PSMD3: variants seen among roughly 807,000 people sequenced by gnomAD.
PSMD3 encodes the protein 26S proteasome non-ATPase regulatory subunit 3.
A neutral mutation model predicts 62.8 loss-of-function variants in PSMD3; 5 were observed. The ratio of observed to expected loss-of-function variants is 0.08; its 90% CI spans 0.04 to 0.17. The LOEUF (loss-of-function observed/expected upper bound fraction) is 0.17, where lower values mean the gene tolerates loss of function less well. Ranked by LOEUF, PSMD3 falls within the 10% of genes least tolerant of loss-of-function variation. The probability of loss-of-function intolerance (pLI) is 1.00; values close to 1 mark genes in which losing one functional copy is unlikely to be tolerated. For missense variants in PSMD3, 524 were observed against 713.6 expected, an observed-to-expected ratio of 0.73 and a Z score of 3.03; for synonymous variants, 265 against 283.9, an observed-to-expected ratio of 0.93 and a Z score of 0.67.
Position 39,995,306 on chromosome 17 carries a change from G to C in PSMD3, c.1216+11G>C. On this transcript the variant is annotated intron_variant, in intron 8 of 11. Coordinates refer to ENST00000264639, the MANE Select transcript of PSMD3 (RefSeq NM_002809.4). This position sits in a 1 kb window ranked among gnomAD's most constrained non-coding sequence, Gnocchi z 4.1. Reference sequence around the variant, plus strand: ...ACGTGATTAAGACAGGTGTGGATCAGGATCTGAGGGGCTGTTGGAGGAGCA... The same window carrying C: ...ACGTGATTAAGACAGGTGTGGATCACGATCTGAGGGGCTGTTGGAGGAGCA... 6.2e-7 allele frequency: 1 copy of C among 1,614,058 alleles called. No individual in the cohort carries two copies. Among genetic ancestry groups the C allele is most frequent in the Non-Finnish European group, 8.5e-7 (1 of 1,180,002 alleles).
chr17:39,994,938 CT>C lies in PSMD3; in HGVS notation c.982-15del, dbSNP rs771953705. ...GGGGCTCCCTGCCCACTGTGTTCCC[CT>C]GTCACTCTGTCCAGGTGCACAAGCT... On this transcript the variant is annotated splice_polypyrimidine_tract_variant and intron_variant, in intron 6 of 11. Transcript: ENST00000264639. 4.3e-6 allele frequency: 7 copies of C among 1,611,996 alleles called. No homozygotes were observed. Among genetic ancestry groups the C allele is most frequent in the Non-Finnish European group, 5.1e-6 (6 of 1,178,150 alleles).
rs1980769022 is a variant in PSMD3, at chr17:39,995,835, TGG to T, written c.1320+310_1320+311del. The T allele has an allele frequency of 2.0e-6, 1 of 489,044 alleles. No homozygotes were observed. Among genetic ancestry groups the T allele is most frequent in the Admixed American group, 3.3e-5 (1 of 30,214 alleles). The allele number at this position is 489,044 out of a possible 1,614,324, so 30.3% of individuals were successfully genotyped here. ...TCTCTGACTTAGAAGATGGGCGTGC[TGG>T]GCCAGGCGCAGTGGCTCATGCCTGT... On this transcript the variant is annotated intron_variant, in intron 9 of 11. Coordinates refer to ENST00000264639, the MANE Select transcript of PSMD3 (RefSeq NM_002809.4). This position sits in a 1 kb window ranked among gnomAD's most constrained non-coding sequence, Gnocchi z 4.1.
intron 2 of PSMD3, among the ~76,000 whole-genome samples, chr17:39,985,158 G>A (rs1450177512): frequency 1.3e-5 from 2 of 152,146 alleles, no homozygotes; most frequent in South Asian, 2.1e-4. Context: ...AATGCAGGAG[G>A]TGGAGATTGC....
At chr17:39,991,338 T>C (rs1980650594) in intron 6 of PSMD3, among the ~76,000 whole-genome samples, 1 of 152,068 alleles carries the variant, frequency 6.6e-6, no homozygotes, top group East Asian at 1.9e-4. Flanking sequence ...GTATTTTTAG[T>C]AGAGATGGGG....
chr17:39,981,945 G>A (rs767496449), intron 1 of PSMD3, among the ~76,000 whole-genome samples: 3 of 152,186 alleles, frequency 2.0e-5, no homozygotes, highest in Non-Finnish European at 4.4e-5. Flanking sequence ...CCAAGTTCAT[G>A]TTTTACTTTT....
chr17:39,982,437 A>C (rs190942521), intron 1 of PSMD3, among the ~76,000 whole-genome samples: 1 of 152,374 alleles, frequency 6.6e-6, no homozygotes, highest in East Asian at 1.9e-4. Flanking sequence ...ATTGAGAGCA[A>C]GTTATGTATA....
Position 39,990,151 on chromosome 17 carries a change from C to T in PSMD3, c.935C>T (p.Ala312Val). ...YSEARRTMTN[A>V]LRKAPQHTAV... ...GAGGCCCGGAGAACGATGACCAACGCCCTTCGCAAGGCCCCTCAGCACACA... is the reference window on the plus strand; with the variant it reads ...GAGGCCCGGAGAACGATGACCAACGTCCTTCGCAAGGCCCCTCAGCACACA... The change falls in exon 6 of 12, where the codon GCC (alanine) becomes GTC (valine). Residue 312 changes from alanine (A) to valine (V), a missense_variant. Around this residue, in one of 4 missense-constraint regions of PSMD3, gnomAD observed 396 missense variants for 475.8 expected, o/e 0.83. Coordinates refer to ENST00000264639, the MANE Select transcript of PSMD3 (RefSeq NM_002809.4). 1 of 1,614,110 alleles carries T rather than the reference C, an allele frequency of 6.2e-7. No individual in the cohort carries two copies.
intron 6 of PSMD3, chr17:39,993,112 C>A (rs921245449): frequency 6.6e-6 from 1 of 152,146 alleles, no homozygotes; most frequent in Non-Finnish European, 1.5e-5. Flanking sequence ...AAGTGTGACA[C>A]GATTGGTTTC....
intron 1 of PSMD3, among the ~76,000 whole-genome samples, chr17:39,982,361 T>TA (rs1568135411): frequency 6.6e-6 from 1 of 152,258 alleles, no homozygotes; most frequent in African/African-American, 2.4e-5. Context: ...TATGAGAAGT[T>TA]AAAAGCAGGG....
rs1162211746 is a variant in PSMD3, at chr17:39,997,845, G to A, written c.*264G>A. 1.8e-6 allele frequency: 1 copy of A among 551,546 alleles called. No individual in the cohort carries two copies. Among genetic ancestry groups the A allele is most frequent in the Non-Finnish European group, 3.3e-6 (1 of 305,454 alleles). The allele number at this position is 551,546 out of a possible 1,614,324, so 34.2% of individuals were successfully genotyped here. On this transcript the variant is annotated 3_prime_UTR_variant, in exon 12 of 12. Transcript: ENST00000264639. ...CAGCAGTGTGGGAGCAGGAGGGGAA[G>A]GATAGTTCTGTGTACTCCTTTAGGG...
At chr17:39,982,011 G>A (rs1980399203) in intron 1 of PSMD3, among the ~76,000 whole-genome samples, 1 of 152,200 alleles carries the variant, frequency 6.6e-6, no homozygotes, top group Admixed American at 6.5e-5. Flanking sequence ...GCTTCCCACT[G>A]TGATCCTGGT....
intron 6 of PSMD3, among the ~76,000 whole-genome samples, chr17:39,992,599 G>A (rs959529207): frequency 1.3e-5 from 2 of 152,152 alleles, no homozygotes; most frequent in Non-Finnish European, 2.9e-5. Context: ...CTTGTCTCTT[G>A]TAAACTTGAA....
At chr17:39,988,928 A>G in intron 4 of PSMD3, 109 bp downstream of exon 4, 1 of 1,423,780 alleles carries the variant, frequency 7.0e-7, no homozygotes, top group Non-Finnish European at 9.6e-7. Flanking sequence ...AGATGTAAGC[A>G]GGGAAGAGGG....
chr17:39,997,323 G>C lies in PSMD3; in HGVS notation c.1477-7G>C. Reference sequence around the variant, plus strand: ...CTCGCTCATCTCCTCTCTTTGCTGTGCCCCAGGCCATGAGGTTTCCTCCCA... The same window carrying C: ...CTCGCTCATCTCCTCTCTTTGCTGTCCCCCAGGCCATGAGGTTTCCTCCCA... On this transcript the variant is annotated splice_polypyrimidine_tract_variant and splice_region_variant and intron_variant, in intron 10 of 11. Coordinates refer to ENST00000264639, the MANE Select transcript of PSMD3 (RefSeq NM_002809.4). 6.2e-7 allele frequency: 1 copy of C among 1,613,978 alleles called. No homozygotes were observed. The highest frequency in any genetic ancestry group is 1.1e-5 in the South Asian group (1 of 91,086).
intron 1 of PSMD3, among the ~76,000 whole-genome samples, chr17:39,982,644 GT>G (rs1980415999): frequency 6.6e-6 from 1 of 152,190 alleles, no homozygotes. Flanking sequence ...TTATTGGGTT[GT>G]TGTGAACATT....
intron 1 of PSMD3, among the ~76,000 whole-genome samples, chr17:39,983,890 TGTGAGAGGCTCCTTA>T (rs1980448774): frequency 6.6e-6 from 1 of 152,172 alleles, no homozygotes; most frequent in Non-Finnish European, 1.5e-5. Flanking sequence ...TTTGCCCCTC[TGTGAGAGGCTCCTTA>T]GAACTCCTTG....
chr17:39,990,983 G>A (rs529079608), intron 6 of PSMD3, among the ~76,000 whole-genome samples: 3 of 152,052 alleles, frequency 2.0e-5, no homozygotes, highest in East Asian at 3.9e-4. Context: ...CTTTTCTTTC[G>A]TTTTTTGTTT....
Position 39,983,433 on chromosome 17 carries a change from C to A in PSMD3, c.221-861C>A, listed in dbSNP as rs975292292. Among the ~76,000 whole-genome samples, 5 of 152,176 alleles carry A rather than the reference C, an allele frequency of 3.3e-5. No homozygotes were observed. The East Asian group carries it at 7.7e-4, about 23-fold the overall frequency. ...TAATTTTTGTCTGTTAGCTATTTTT[C>A]CTCTTTGTATGTTAGTTCGTCTCCA... On this transcript the variant is annotated intron_variant, in intron 1 of 11. Coordinates refer to ENST00000264639, the MANE Select transcript of PSMD3 (RefSeq NM_002809.4).
chr17:39,996,675 T>C lies in PSMD3; in HGVS notation c.1476+337T>C, dbSNP rs1461954759. The C allele has an allele frequency of 2.0e-6, 1 of 510,158 alleles. No individual in the cohort carries two copies. The highest frequency in any genetic ancestry group is 3.8e-6 in the Non-Finnish European group (1 of 263,172). The allele number at this position is 510,158 out of a possible 1,614,324, so 31.6% of individuals were successfully genotyped here. A position where few individuals can be genotyped will look rare whatever the true frequency, so the allele number is the denominator to read the frequency against. Reference sequence around the variant, plus strand: ...TCCATCTCTGAAGCTGATAGGGAGGTGTTACCTGTCTTGCTTGCTTCACAG... The same window carrying C: ...TCCATCTCTGAAGCTGATAGGGAGGCGTTACCTGTCTTGCTTGCTTCACAG... On this transcript the variant is annotated intron_variant, in intron 10 of 11. Transcript: ENST00000264639. The surrounding 1 kb of genome is among the most constrained non-coding windows in gnomAD (Gnocchi z 5.1).
Sources: allele counts gnomAD v4.1 joint callset (sites outside exome capture counted in the v4.1 genomes callset), GRCh38; gene constraint gnomAD v4.1.1; regional missense constraint gnomAD v4.1.1; non-coding constraint Gnocchi (gnomAD v3.1); transcripts MANE v1.5; gene names NCBI Gene and HGNC (gene_info 2026-07-23, HGNC 2026-07-21).